Variants in ARHGEF3 observed in about 807,000 individuals in gnomAD.
ARHGEF3 encodes 59.8 kDA protein.
A neutral mutation model predicts 63.2 loss-of-function variants in ARHGEF3; 28 were observed. The ratio of observed to expected loss-of-function variants is 0.44; its 90% CI spans 0.33 to 0.61. The LOEUF (loss-of-function observed/expected upper bound fraction) is 0.61, where lower values mean the gene tolerates loss of function less well. Ranked by LOEUF, ARHGEF3 falls within the 20% of genes least tolerant of loss-of-function variation. The probability of loss-of-function intolerance (pLI) is 0.03; values close to 1 mark genes in which losing one functional copy is unlikely to be tolerated. For synonymous variants in ARHGEF3, 266 were observed against 254.2 expected, an observed-to-expected ratio of 1.05 and a Z score of -0.44; for missense variants, 533 against 659.3, an observed-to-expected ratio of 0.81 and a Z score of 2.10.
Position 56,745,325 on chromosome 3 carries a change from T to G in ARHGEF3, c.750A>C (p.Leu250=), listed in dbSNP as rs1229098195. ...RCLESPFSRK[L]DLWNFLDIPR... is the part of the protein sequence containing the mutation. ...GAATATCGAGGAAATTCCAGAGATCTAGTTTGCGGCTAAAGGGGGATTCTA... is the reference window on the plus strand; with the variant it reads ...GAATATCGAGGAAATTCCAGAGATCGAGTTTGCGGCTAAAGGGGGATTCTA... Residue 250 remains leucine, a synonymous_variant, in exon 7 of 10, where the codon CTA becomes CTC. Transcript: ENST00000296315. 1.9e-6 allele frequency: 3 copies of G among 1,614,076 alleles called. No homozygotes were observed. The highest frequency in any genetic ancestry group is 2.2e-5 in the East Asian group (1 of 44,872).
intron 2 of ARHGEF3, among the ~76,000 whole-genome samples, chr3:56,974,474 A>G (rs1579000724): frequency 6.6e-6 from 1 of 152,278 alleles, no homozygotes; most frequent in East Asian, 1.9e-4. Flanking sequence ...GCTTTCAAAC[A>G]CCTAAGCTCA....
chr3:56,958,782 T>C (rs770384109), intron 3 of ARHGEF3: 25 of 1,522,756 alleles, frequency 1.6e-5, no homozygotes, highest in Non-Finnish European at 2.1e-5. Context: ...GTATCCATAA[T>C]AGGACATTTA....
intron 2 of ARHGEF3, among the ~76,000 whole-genome samples, chr3:57,002,555 A>ATG (rs1702294732): frequency 2.2e-5 from 3 of 137,502 alleles, no homozygotes; most frequent in Non-Finnish European, 4.6e-5. Flanking sequence ...GTTATGTTAT[A>ATG]TATATGTTAT....
intron 1 of ARHGEF3, among the ~76,000 whole-genome samples, chr3:56,799,146 G>T (rs1365745989): frequency 6.6e-6 from 1 of 152,152 alleles, no homozygotes; most frequent in African/African-American, 2.4e-5. Context: ...GCTTTTAAGA[G>T]AATGCTTATT....
intron 1 of ARHGEF3, among the ~76,000 whole-genome samples, chr3:56,784,232 A>C (rs2107887590): frequency 6.6e-6 from 1 of 152,380 alleles, no homozygotes; most frequent in Non-Finnish European, 1.5e-5. Flanking sequence ...AGCAGCATCA[A>C]GTCTCTGTGG....
upstream of ARHGEF3, among the ~76,000 whole-genome samples, chr3:56,805,855 A>G (rs1273851299): frequency 6.6e-6 from 1 of 152,210 alleles, no homozygotes; most frequent in African/African-American, 2.4e-5. Flanking sequence ...GGAATCTGGA[A>G]TTCTCTTGGG....
chr3:56,746,813 C>T (rs2034417288), intron 6 of ARHGEF3, among the ~76,000 whole-genome samples: 2 of 152,060 alleles, frequency 1.3e-5, no homozygotes, highest in African/African-American at 4.8e-5. Flanking sequence ...AGCTTTTACA[C>T]CTCTTATTGA....
At chr3:56,886,270 C>T (rs557509042) in intron 3 of ARHGEF3, among the ~76,000 whole-genome samples, 40 of 152,312 alleles carry the variant, frequency 2.6e-4, no homozygotes, top group South Asian at 1.2e-3. Flanking sequence ...GGGACAATCC[C>T]TGGTACACAG....
chr3:56,797,199 A>G (rs1032147602), intron 1 of ARHGEF3, among the ~76,000 whole-genome samples: 1 of 152,196 alleles, frequency 6.6e-6, no homozygotes, highest in African/African-American at 2.4e-5. Context: ...ATCAACTAGC[A>G]GGTGGTGGAG....
rs528245656 is a variant in ARHGEF3 at position 56,872,423 on chromosome 3, C to G, written c.192+9869G>C. Among the ~76,000 whole-genome samples, 5 of 151,986 alleles carry G rather than the reference C, an allele frequency of 3.3e-5. No individual in the cohort carries two copies. In the East Asian group the frequency reaches 9.7e-4, roughly 29 times the overall value. On this transcript the variant is annotated intron_variant, in intron 4 of 12. Coordinates refer to the ARHGEF3 transcript ENST00000338458. Reference sequence around the variant, plus strand: ...TTATATTCTGAATGCATTTACAAGTCTATATAATTCGGATATTCATGCTGT... The same window carrying G: ...TTATATTCTGAATGCATTTACAAGTGTATATAATTCGGATATTCATGCTGT...
At chr3:56,863,257 C>T (rs2040138829) in intron 4 of ARHGEF3, among the ~76,000 whole-genome samples, 1 of 151,828 alleles carries the variant, frequency 6.6e-6, no homozygotes. Context: ...CATGCCTCAG[C>T]CTTCCGAGTA....
chr3:57,030,795 C>T (rs1222676999), intron 2 of ARHGEF3, among the ~76,000 whole-genome samples: 1 of 152,192 alleles, frequency 6.6e-6, no homozygotes, highest in Non-Finnish European at 1.5e-5. Flanking sequence ...ATCCTATACT[C>T]TTGGGCCCCT....
intron 1 of ARHGEF3, among the ~76,000 whole-genome samples, chr3:57,071,849 CA>C (rs1205738346): frequency 6.6e-6 from 1 of 151,874 alleles, no homozygotes; most frequent in Non-Finnish European, 1.5e-5. Flanking sequence ...ACAGAATGGG[CA>C]AAAAATACTT....
In ARHGEF3 at chr3:56,751,052, T is replaced by C; in HGVS notation, c.612+4A>G. On this transcript the variant is annotated splice_donor_region_variant and intron_variant, in intron 6 of 9. Transcript: ENST00000296315. Reference sequence around the variant, plus strand: ...CTTCAATAAAGACCAGAGAACTTTCTTACCCAGCCCACGAGGATGGGACCA... The same window carrying C: ...CTTCAATAAAGACCAGAGAACTTTCCTACCCAGCCCACGAGGATGGGACCA... 1 of 1,612,568 alleles carries C rather than the reference T, an allele frequency of 6.2e-7. No individual in the cohort carries two copies. The highest frequency in any genetic ancestry group is 8.5e-7 in the Non-Finnish European group (1 of 1,178,916).
intron 4 of ARHGEF3, among the ~76,000 whole-genome samples, chr3:56,823,696 C>G (rs2038603644): frequency 6.6e-6 from 1 of 152,062 alleles, no homozygotes; most frequent in South Asian, 2.1e-4. Context: ...AAGAAAACCC[C>G]AAATAACTAG....
At chr3:57,073,736 G>C in intron 1 of ARHGEF3, 1 of 1,614,226 alleles carries the variant, frequency 6.2e-7, no homozygotes, top group South Asian at 1.1e-5. Flanking sequence ...CCTTAGAAAA[G>C]TCAGGAGACA....
rs373241102 is a variant in ARHGEF3 at position 56,755,132 on chromosome 3, C to T, written c.224G>A (p.Ser75Asn). 3.1e-6 allele frequency: 5 copies of T among 1,613,726 alleles called. No individual in the cohort carries two copies. The highest frequency in any genetic ancestry group is 4.2e-6 in the Non-Finnish European group (5 of 1,180,014). ...QTLQRSISFR[S>N]ESRPDILAPR... Reference sequence around the variant, plus strand: ...GGCGAGGATGTCAGGGCGGCTCTCACTGCGGAAGCTAATGGAGCGCTAAAC... The same window carrying T: ...GGCGAGGATGTCAGGGCGGCTCTCATTGCGGAAGCTAATGGAGCGCTAAAC... Residue 75 changes from serine to asparagine, a missense_variant, in exon 3 of 10, where the codon AGT (serine) becomes AAT (asparagine). Physicochemically the swap from Ser to Asn is conservative, Grantham distance 46. Transcript: ENST00000296315.
chr3:56,958,729 G>C, intron 3 of ARHGEF3: 1 of 1,356,702 alleles, frequency 7.4e-7, no homozygotes, highest in South Asian at 1.3e-5. Context: ...ACTTTGATTA[G>C]TAAAACCAAC....
rs546527501 is a variant in ARHGEF3 at position 57,053,830 on chromosome 3, C to G, written c.-27-18654G>C. On this transcript the variant is annotated intron_variant, in intron 1 of 12. Transcript: ENST00000338458. ...GTTTTATCCGCGTTGTGGCATGCAG[C>G]AGTGGTTCCTTCTTTCTCATTGCTG... Among the ~76,000 whole-genome samples, 3 of 152,334 alleles carry G rather than the reference C, an allele frequency of 2.0e-5. No individual in the cohort carries two copies. In the East Asian group the frequency reaches 5.8e-4, roughly 29 times the overall value.
Sources: gnomAD v4.1 joint callset for allele counts (sites outside exome capture counted in the v4.1 genomes callset) on GRCh38, gnomAD v4.1.1 for gene constraint, MANE v1.5 for transcripts, NCBI Gene and HGNC (gene_info 2026-07-23, HGNC 2026-07-21) for gene names.